The following KIAA1671 variants were observed in gnomAD, a reference collection of about 807,000 sequenced individuals.
KIAA1671 encodes uncharacterized protein KIAA1671.
Under a neutral mutation model 131.2 loss-of-function variants are expected in KIAA1671, and 52 were observed. That is an observed-to-expected ratio of 0.40 (90% CI 0.32 to 0.50). The LOEUF is 0.50. KIAA1671 is among the 20% of genes least tolerant of loss of function. The probability of loss-of-function intolerance (pLI) is 0.73; values close to 1 mark genes in which losing one functional copy is unlikely to be tolerated. For missense variants in KIAA1671, 2,360 were observed against 2,364.2 expected (o/e 1.00, Z 0.04); for synonymous variants, 1,003 against 961.6 (o/e 1.04, Z -0.80).
At chr22:24,995,713 AGGTGTTGACCATTG>A (rs1260848612) in intron 1 of KIAA1671, among the ~76,000 whole-genome samples, 5 of 152,238 alleles carry the variant, frequency 3.3e-5, no homozygotes, top group Admixed American at 2.0e-4. Context: ...TTACTGATGT[AGGTGTTGACCATTG>A]GCATTATGCT....
At chr22:25,168,393 T>A (rs1402255935) in intron 6 of KIAA1671, among the ~76,000 whole-genome samples, 3 of 152,204 alleles carry the variant, frequency 2.0e-5, no homozygotes, top group Non-Finnish European at 4.4e-5. Flanking sequence ...CCTGGTACAA[T>A]TGATAAGTCA....
intron 5 of KIAA1671, among the ~76,000 whole-genome samples, chr22:25,044,561 G>A (rs949933829): frequency 3.6e-4 from 55 of 152,100 alleles, no homozygotes; most frequent in African/African-American, 1.1e-3. Flanking sequence ...TTCTCACCAC[G>A]GGATTGGGAA....
At chr22:25,038,673 G>A in intron 4 of KIAA1671, 87 bp from the exon 5 acceptor site, 1 of 1,287,406 alleles carries the variant, frequency 7.8e-7, no homozygotes. Context: ...AATTATACAA[G>A]CAGCCCTTTC....
chr22:25,041,584 G>A, intron 5 of KIAA1671, 59 bp downstream of exon 5: 1 of 1,451,556 alleles, frequency 6.9e-7, no homozygotes, highest in African/African-American at 1.4e-5. Flanking sequence ...TAGTCTAGGG[G>A]GCCGAAACTC....
chr22:25,183,175 A>C (rs1399723464), intron 10 of KIAA1671, among the ~76,000 whole-genome samples: 1 of 152,260 alleles, frequency 6.6e-6, no homozygotes, highest in African/African-American at 2.4e-5. Flanking sequence ...ATGAAGGCAG[A>C]CAAGCCTGAA....
At chr22:24,990,301 T>C (rs1923769340) in intron 1 of KIAA1671, among the ~76,000 whole-genome samples, 1 of 152,076 alleles carries the variant, frequency 6.6e-6, no homozygotes, top group African/African-American at 2.4e-5. Context: ...CTGTTGGCCA[T>C]GCTGGTCTCG....
At chr22:25,009,253 CTTTTTTTTTTT>C (rs35147267) in intron 1 of KIAA1671, among the ~76,000 whole-genome samples, 51 of 62,796 alleles carry the variant, frequency 8.1e-4, no homozygotes, top group South Asian at 6.9e-3. Flanking sequence ...CCCTTCCCCA[CTTTTTTTTTTT>C]TTTTTTTTTT....
At chr22:25,115,602 G>GTAATGT (rs1431920953) in intron 6 of KIAA1671, among the ~76,000 whole-genome samples, 1 of 152,126 alleles carries the variant, frequency 6.6e-6, no homozygotes, top group African/African-American at 2.4e-5. Context: ...GGCTCAGACT[G>GTAATGT]TAATGTGAGT....
intron 6 of KIAA1671, among the ~76,000 whole-genome samples, chr22:25,103,155 AAGTCCCAGAG>A (rs1930784289): frequency 6.6e-6 from 1 of 151,834 alleles, no homozygotes; most frequent in Non-Finnish European, 1.5e-5. Context: ...GTCTGGGTTC[AAGTCCCAGAG>A]CCCTCTTGCC....
chr22:24,959,715 G>C (rs1235965773), intron 1 of KIAA1671, among the ~76,000 whole-genome samples: 3 of 152,178 alleles, frequency 2.0e-5, no homozygotes, highest in African/African-American at 7.2e-5. Flanking sequence ...GAAGAAGGAA[G>C]GGGGCAAGGT....
intron 6 of KIAA1671, among the ~76,000 whole-genome samples, chr22:25,121,145 C>G (rs911356588): frequency 6.6e-6 from 1 of 152,166 alleles, no homozygotes; most frequent in Non-Finnish European, 1.5e-5. Context: ...GGGAGTGTTA[C>G]GTTTTCGGAT....
At chr22:25,068,287 G>C (rs1481819387) in intron 6 of KIAA1671, among the ~76,000 whole-genome samples, 1 of 151,532 alleles carries the variant, frequency 6.6e-6, no homozygotes, top group African/African-American at 2.4e-5. Flanking sequence ...CCCCTGACTT[G>C]TCAGGCAGCG....
chr22:24,999,086 C>G (rs553987363), intron 1 of KIAA1671, among the ~76,000 whole-genome samples: 1 of 152,258 alleles, frequency 6.6e-6, no homozygotes, highest in African/African-American at 2.4e-5. Flanking sequence ...ATAGGTCCTG[C>G]CAGTCTTCCA....
chr22:25,070,727 G>A (rs1038396475), intron 6 of KIAA1671, among the ~76,000 whole-genome samples: 3 of 151,700 alleles, frequency 2.0e-5, no homozygotes, highest in Admixed American at 2.0e-4. Context: ...GAGTTTTTCA[G>A]AAAGCAACAT....
intron 6 of KIAA1671, chr22:25,069,965 A>G (rs1928720510): frequency 5.8e-6 from 1 of 173,168 alleles, no homozygotes. Context: ...ACACACACAC[A>G]CGCGTGCACA....
rs377552733 is a variant in KIAA1671 at position 25,123,226 on chromosome 22, T to C, written c.4531-47594T>C. Among the ~76,000 whole-genome samples, 222 of 134,616 alleles carry C rather than the reference T, an allele frequency of 1.6e-3. 1 individual carries two copies. Among genetic ancestry groups the C allele is most frequent in the Admixed American group, 4.6e-3 (59 of 12,902 alleles). The allele number at this position is 134,616 out of a possible 152,430, so 88.3% of individuals were successfully genotyped here. A position where few individuals can be genotyped will look rare whatever the true frequency, so the allele number is the denominator to read the frequency against. On this transcript the variant is annotated intron_variant, in intron 6 of 12. Coordinates refer to ENST00000358431, the MANE Select transcript of KIAA1671 (RefSeq NM_001145206.2). ...TTTTTTTTTTTTTTGAGATGGAGTC[T>C]TGCTCTGTCGCCCAGGCTGGAGTGC...
At chr22:25,074,254 C>A (rs1387405265) in intron 6 of KIAA1671, among the ~76,000 whole-genome samples, 1 of 149,526 alleles carries the variant, frequency 6.7e-6, no homozygotes, top group Admixed American at 6.6e-5. Context: ...CCTGTAATAC[C>A]AGCGCTTTGG....
At chr22:25,081,619 C>CT (rs11336156) in intron 6 of KIAA1671, among the ~76,000 whole-genome samples, 23 of 149,000 alleles carry the variant, frequency 1.5e-4, no homozygotes, top group East Asian at 1.4e-3. Flanking sequence ...TGGGCAGCTG[C>CT]TTTTTTTTTT....
chr22:25,112,266 T>C (rs1931401189), intron 6 of KIAA1671: 3 of 398,822 alleles, frequency 7.5e-6, no homozygotes, highest in Non-Finnish European at 1.3e-5. Context: ...CAGGAAGCCC[T>C]CAATTTGGTG....
Sources: allele counts gnomAD v4.1 joint callset (sites outside exome capture counted in the v4.1 genomes callset), GRCh38; gene constraint gnomAD v4.1.1; transcripts MANE v1.5; gene names NCBI Gene and HGNC (gene_info 2026-07-23, HGNC 2026-07-21).